Variants in FGD2 observed in about 807,000 individuals in gnomAD.
FGD2 encodes FYVE, RhoGEF and PH domain-containing protein 2.
A neutral mutation model predicts 75.9 loss-of-function variants in FGD2; 52 were observed. The ratio of observed to expected loss-of-function variants is 0.69; its 90% CI spans 0.55 to 0.86. The LOEUF (loss-of-function observed/expected upper bound fraction) is 0.86. Ranked by LOEUF, FGD2 falls within the 40% of genes least tolerant of loss-of-function variation. The pLI, the probability that FGD2 is intolerant of heterozygous loss-of-function variation, is 0.00. For missense variants in FGD2, 790 were observed against 872.0 expected, an observed-to-expected ratio of 0.91 and a Z score of 1.18; for synonymous variants, 347 against 348.6, an observed-to-expected ratio of 1.00 and a Z score of 0.05.
At chr6:37,020,935 C>T (rs561161442) in intron 11 of FGD2, among the ~76,000 whole-genome samples, 196 bp downstream of exon 11, 2 of 133,618 alleles carry the variant, frequency 1.5e-5, no homozygotes, top group South Asian at 2.4e-4. Context: ...CATGTGTGTG[C>T]ATCTGTGTGT....
In FGD2 at chr6:37,013,976, G is replaced by A. The variant is rs34895385; in HGVS notation, c.699G>A (p.Ser233=). ...CCCTCCCCAAGAGCAGCGAGGCTTC[G>A]GGCAGCCTGACCCTGCAGCACCACA... ...VLTRIQSSEA[S]GSLTLQHHML... Residue 233 remains serine (S), a synonymous_variant, in exon 6 of 16, where the codon TCG becomes TCA. Coordinates refer to ENST00000274963, the MANE Select transcript of FGD2 (RefSeq NM_173558.4). 3.1e-3 allele frequency: 4,924 copies of A among 1,613,660 alleles called. 94 individuals carry two copies. In the African/African-American group the frequency reaches 0.043, roughly 14 times the overall value.
intron 9 of FGD2, among the ~76,000 whole-genome samples, chr6:37,019,871 G>A (rs868333910): frequency 2.1e-4 from 9 of 41,936 alleles, no homozygotes; most frequent in African/African-American, 7.4e-4. Flanking sequence ...TTTTTTTTTT[G>A]AGACAGAGTC....
intron 14 of FGD2, among the ~76,000 whole-genome samples, chr6:37,026,877 G>A (rs1765848711): frequency 6.6e-6 from 1 of 151,990 alleles, no homozygotes; most frequent in Non-Finnish European, 1.5e-5. Flanking sequence ...GCATGGTGGT[G>A]CATGCCTGTA....
In FGD2 at chr6:37,015,751, G is replaced by T; in HGVS notation, c.1030-17G>T. On this transcript the variant is annotated splice_polypyrimidine_tract_variant and intron_variant, in intron 8 of 15. Transcript: ENST00000274963. Reference sequence around the variant, plus strand: ...CCTGCCCCTGCCACGGGCCACTCACGCCTGTGTCTCCTGCAGTTCAACAAC... The same window carrying T: ...CCTGCCCCTGCCACGGGCCACTCACTCCTGTGTCTCCTGCAGTTCAACAAC... The T allele has an allele frequency of 1.3e-6, 2 of 1,571,026 alleles. No individual in the cohort carries two copies. Among genetic ancestry groups the T allele is most frequent in the Non-Finnish European group, 1.7e-6 (2 of 1,158,020 alleles).
chr6:37,013,871 G>T (rs1561930521), intron 5 of FGD2, 91 bp from the exon 6 acceptor site: 1 of 1,583,428 alleles, frequency 6.3e-7, no homozygotes, highest in Non-Finnish European at 8.6e-7. Flanking sequence ...TGCTTCCATA[G>T]GCCCCTGCCT....
At position 37,015,878 on chromosome 6, in the gene FGD2, C is replaced by T; in HGVS notation, c.1122+18C>T. The T allele has an allele frequency of 1.9e-6, 3 of 1,557,594 alleles. No individual in the cohort carries two copies. Among genetic ancestry groups the T allele is most frequent in the Non-Finnish European group, 2.6e-6 (3 of 1,149,656 alleles). On this transcript the variant is annotated intron_variant, in intron 9 of 15. Coordinates refer to ENST00000274963, the MANE Select transcript of FGD2 (RefSeq NM_173558.4). The stretch of plus-strand genomic sequence containing the variant: ...GGATGAAGGTAAGAGGCCCCCTAAA[C>T]ACCACTGGGCTCCACCTCAAGGGTA...
chr6:37,026,432 C>G, intron 14 of FGD2: 1 of 980,880 alleles, frequency 1.0e-6, no homozygotes, highest in Non-Finnish European at 1.2e-6. Flanking sequence ...CAAGATCACA[C>G]AGCAAGTTAG....
chr6:37,026,754 C>G (rs982171596), intron 14 of FGD2, among the ~76,000 whole-genome samples: 4 of 152,026 alleles, frequency 2.6e-5, no homozygotes, highest in South Asian at 2.1e-4. Flanking sequence ...AATCCCAGCA[C>G]TTTGGGAGGC....
rs769790531 is a variant in FGD2, at chr6:37,025,885, A to G, written c.1552A>G (p.Thr518Ala). Residue 518 changes from threonine (T) to alanine (A), a missense_variant, in exon 14 of 16, where the codon ACT becomes GCT. By Grantham distance (58) the Thr-to-Ala change is moderately conservative. Transcript: ENST00000274963. ...RVCLHCYAFL[T>A]GNVLPEAKED... ...CTGCCTCCACTGCTACGCATTCCTC[A>G]CTGGAAATGTGCTGCCTGAGGCCAA... 6.2e-7 allele frequency: 1 copy of G among 1,613,950 alleles called. No individual in the cohort carries two copies.
intron 1 of FGD2, 39 bp downstream of exon 1, chr6:37,005,924 T>G (rs1224838261): frequency 1.5e-5 from 24 of 1,602,228 alleles, no homozygotes; most frequent in Non-Finnish European, 1.7e-5. Flanking sequence ...CATGGTGGGC[T>G]GGCAGCCACC....
intron 9 of FGD2, among the ~76,000 whole-genome samples, chr6:37,019,752 G>A (rs1367561283): frequency 6.6e-6 from 1 of 152,074 alleles, no homozygotes; most frequent in Non-Finnish European, 1.5e-5. Context: ...CAGCTCTCTT[G>A]CCCTCTCTGA....
intron 13 of FGD2, 42 bp from the exon 14 acceptor site, chr6:37,025,740 AGCCCTCCGGT>A: frequency 1.9e-6 from 3 of 1,607,838 alleles, no homozygotes; most frequent in East Asian, 2.2e-5. Context: ...GCAGGAGCCC[AGCCCTCCGGT>A]GCCTGGTCTC....
intron 1 of FGD2, among the ~76,000 whole-genome samples, chr6:37,006,488 C>A (rs1395722186): frequency 6.6e-6 from 1 of 152,070 alleles, no homozygotes; most frequent in Admixed American, 6.6e-5. Context: ...AATGGAGACA[C>A]AGAGAGGTGA....
intron 11 of FGD2, 149 bp downstream of exon 11, chr6:37,020,888 A>ATATGTGTGTG: frequency 1.4e-6 from 1 of 696,446 alleles, no homozygotes; most frequent in Non-Finnish European, 2.3e-6. Flanking sequence ...GTATGTATGC[A>ATATGTGTGTG]TGTGTGTGTG....
At chr6:37,006,016 C>T (rs369997044) in intron 1 of FGD2, 131 bp downstream of exon 1, 480 of 1,019,894 alleles carry the variant, frequency 4.7e-4, no homozygotes, top group African/African-American at 3.6e-4. Context: ...TCCTCGGTCA[C>T]GGATTCCTTG....
At position 37,021,728 on chromosome 6, in the gene FGD2, G is replaced by A. The variant is rs546339664; in HGVS notation, c.1326+124G>A. 6.6e-6 allele frequency: 6 copies of A among 902,448 alleles called. No individual in the cohort carries two copies. In the East Asian group the frequency reaches 8.1e-5, roughly 12 times the overall value. The allele number at this position is 902,448 out of a possible 1,614,324, so 55.9% of individuals were successfully genotyped here. Reference sequence around the variant, plus strand: ...GTCATCTGCCAGGAGAGACTGAAGGGACCAGGGGAAGCCTTCCCAGCGCAT... The same window carrying A: ...GTCATCTGCCAGGAGAGACTGAAGGAACCAGGGGAAGCCTTCCCAGCGCAT... On this transcript the variant is annotated intron_variant, in intron 12 of 15. Transcript: ENST00000274963.
In FGD2 at chr6:37,020,709, G is replaced by T; in HGVS notation, c.1203G>T (p.Arg401=). 1.3e-6 allele frequency: 2 copies of T among 1,573,494 alleles called. No homozygotes were observed. Among genetic ancestry groups the T allele is most frequent in the African/African-American group, 2.7e-5 (2 of 74,164 alleles). Residue 401 remains arginine (R), a splice_region_variant and synonymous_variant, in exon 11 of 16, where the codon CGG becomes CGT. Transcript: ENST00000274963. Reference sequence around the variant, plus strand: ...ACACCTGTGTTCACTTTCCGAGCAGGTCCCAGGAGGAAATGATTTCCTGGA... The same window carrying T: ...ACACCTGTGTTCACTTTCCGAGCAGTTCCCAGGAGGAAATGATTTCCTGGA... The part of the protein sequence containing the change: ...GKQRTLELQA[R]SQEEMISWMQ...
intron 8 of FGD2, 116 bp downstream of exon 8, chr6:37,015,154 C>G (rs548902755): frequency 2.2e-6 from 3 of 1,365,100 alleles, no homozygotes; most frequent in Non-Finnish European, 2.9e-6. Context: ...GGGAAGAGAA[C>G]GCTTCTCTGT....
intron 2 of FGD2, among the ~76,000 whole-genome samples, chr6:37,010,724 G>C (rs1215956403): frequency 6.6e-6 from 1 of 152,180 alleles, no homozygotes; most frequent in Non-Finnish European, 1.5e-5. Context: ...GTGATTCACA[G>C]CTCCCAAGAC....
Sources: gnomAD v4.1 joint callset for allele counts (sites outside exome capture counted in the v4.1 genomes callset) on GRCh38, gnomAD v4.1.1 for gene constraint, MANE v1.5 for transcripts, NCBI Gene and HGNC (gene_info 2026-07-23, HGNC 2026-07-21) for gene names.